Variants in PIK3C2G observed in about 807,000 individuals in gnomAD.
PIK3C2G encodes phosphatidylinositol-4-phosphate 3-kinase catalytic subunit type 2 gamma.
In PIK3C2G, 168 loss-of-function variants were observed where a neutral mutation model predicts 181.1. That is an observed-to-expected ratio of 0.93 (90% CI 0.82 to 1.05). The LOEUF (loss-of-function observed/expected upper bound fraction) is 1.05. Among genes scored for constraint, PIK3C2G ranks in the 50% least tolerant of loss-of-function variants. The pLI, the probability that PIK3C2G is intolerant of heterozygous loss-of-function variation, is 0.00. For missense variants in PIK3C2G, 1,869 were observed against 1,732.8 expected (o/e 1.08, Z -1.40); for synonymous variants, 573 against 592.2 (o/e 0.97, Z 0.47).
At chr12:18,683,354 A>G in the PIK3C2G span, 1 of 1,600,652 alleles carries the variant, frequency 6.2e-7, no homozygotes, top group African/African-American at 1.3e-5. Flanking sequence ...TAATTAGACC[A>G]ATAACCAATT....
the PIK3C2G span, among the ~76,000 whole-genome samples, chr12:18,671,187 T>TAAAAAAAAA: frequency 7.5e-6 from 1 of 134,124 alleles, no homozygotes; most frequent in Non-Finnish European, 1.6e-5. Context: ...AGACTCCATC[T>TAAAAAAAAA]AAAAAAAAAA....
At chr12:18,601,386 A>AT (rs1947703032) in intron 30 of PIK3C2G, among the ~76,000 whole-genome samples, 1 of 152,140 alleles carries the variant, frequency 6.6e-6, no homozygotes, top group African/African-American at 2.4e-5. Context: ...AACACCATAT[A>AT]TTTTCACTCA....
chr12:18,550,523 A>G (rs116176777), intron 26 of PIK3C2G, among the ~76,000 whole-genome samples: 6,829 of 151,802 alleles, frequency 0.045, 344 homozygotes, highest in African/African-American at 0.13. Context: ...CACATAATTC[A>G]CCAAAAAAAA....
At chr12:18,571,820 T>C (rs1945958596) in intron 29 of PIK3C2G, among the ~76,000 whole-genome samples, 1 of 150,938 alleles carries the variant, frequency 6.6e-6, no homozygotes, top group Admixed American at 6.6e-5. Context: ...ATCTTTTACT[T>C]GTACTGCTTA....
intron 29 of PIK3C2G, among the ~76,000 whole-genome samples, chr12:18,568,669 A>G (rs1253478974): frequency 6.6e-6 from 1 of 152,158 alleles, no homozygotes; most frequent in Non-Finnish European, 1.5e-5. Context: ...GCCAATTTCA[A>G]TATGAATCTC....
In PIK3C2G at chr12:18,595,927, T is replaced by C. The variant is rs187510540; in HGVS notation, c.4087+1358T>C. ...TTGCTATACACGCCTAGAATGTTAT[T>C]TCTTCAAAACACTCATTGCCATGAT... On this transcript the variant is annotated intron_variant, in intron 30 of 32. Coordinates refer to ENST00000538779, the MANE Select transcript of PIK3C2G (RefSeq NM_001288772.2). Among the ~76,000 whole-genome samples, 116 of 152,238 alleles carry C rather than the reference T, an allele frequency of 7.6e-4. 1 individual carries two copies. In the East Asian group the frequency reaches 0.014, roughly 19 times the overall value.
intron 32 of PIK3C2G, among the ~76,000 whole-genome samples, chr12:18,647,307 C>T (rs527477885): frequency 4.0e-5 from 6 of 151,732 alleles, no homozygotes; most frequent in African/African-American, 1.2e-4. Flanking sequence ...AGAGAAGAAA[C>T]AAGAAGGAGA....
chr12:18,619,741 AT>A (rs34358685), intron 31 of PIK3C2G, among the ~76,000 whole-genome samples: 35,318 of 141,504 alleles, frequency 0.25, 4,190 homozygotes, highest in Middle Eastern at 0.45. Flanking sequence ...TATGATTTTA[AT>A]TTTTTTTTTT....
chr12:18,309,242 T>G (rs888021256), intron 5 of PIK3C2G, among the ~76,000 whole-genome samples: 3 of 151,974 alleles, frequency 2.0e-5, no homozygotes, highest in Admixed American at 1.3e-4. Flanking sequence ...CATCATGGAT[T>G]GTCATTTAGA....
intron 24 of PIK3C2G, among the ~76,000 whole-genome samples, chr12:18,517,524 GTC>G (rs1942629969): frequency 6.6e-6 from 1 of 151,916 alleles, no homozygotes; most frequent in Admixed American, 6.6e-5. Flanking sequence ...CATGATTTGA[GTC>G]TCTGTTTGTC....
rs1243724071 is a variant in PIK3C2G at position 18,420,715 on chromosome 12, C to T, written c.2316-226C>T. On this transcript the variant is annotated intron_variant, in intron 16 of 32. Transcript: ENST00000538779. ...AGCCGGCAGGAATCAGACTTAAAAC[C>T]ACATTTCCAAAGTCTAGTTGAAAGG... 2.0e-5 allele frequency among the ~76,000 whole-genome samples: 3 copies of T among 152,116 alleles called. No individual in the cohort carries two copies. The East Asian group carries it at 5.8e-4, about 29-fold the overall frequency.
intron 32 of PIK3C2G, 130 bp downstream of exon 32, chr12:18,640,684 A>G (rs1949798547): frequency 3.6e-6 from 3 of 823,030 alleles, no homozygotes; most frequent in Non-Finnish European, 5.8e-6. Flanking sequence ...TTTCCAAAGT[A>G]GTCGCAGTAT....
At chr12:18,423,040 T>C (rs1184493175) in intron 17 of PIK3C2G, among the ~76,000 whole-genome samples, 1 of 151,942 alleles carries the variant, frequency 6.6e-6, no homozygotes, top group Non-Finnish European at 1.5e-5. Context: ...ATTGAGGTGT[T>C]TCTTCAAGTG....
chr12:18,456,581 T>C (rs997768998), intron 18 of PIK3C2G, among the ~76,000 whole-genome samples: 3 of 152,158 alleles, frequency 2.0e-5, no homozygotes, highest in Non-Finnish European at 4.4e-5. Context: ...ATTATGCAGA[T>C]GGGTCCCCTA....
At chr12:18,414,003 G>A (rs1185897607) in intron 16 of PIK3C2G, among the ~76,000 whole-genome samples, 1 of 152,094 alleles carries the variant, frequency 6.6e-6, no homozygotes, top group African/African-American at 2.4e-5. Flanking sequence ...GAAAAGAAAT[G>A]CCAGGATTTG....
chr12:18,278,677 G>A (rs1474396657), intron 1 of PIK3C2G, among the ~76,000 whole-genome samples: 3 of 152,092 alleles, frequency 2.0e-5, no homozygotes, highest in African/African-American at 7.2e-5. Flanking sequence ...AACTACATGT[G>A]TAGTTCTGTT....
At chr12:18,498,416 C>G (rs1257109030) in intron 22 of PIK3C2G, among the ~76,000 whole-genome samples, 2 of 152,150 alleles carry the variant, frequency 1.3e-5, no homozygotes, top group African/African-American at 4.8e-5. Flanking sequence ...AAAGAGACAA[C>G]AATATCTAAG....
chr12:18,262,111 A>G (rs938010115), intron 1 of PIK3C2G, among the ~76,000 whole-genome samples: 3 of 151,878 alleles, frequency 2.0e-5, no homozygotes, highest in African/African-American at 7.3e-5. Context: ...GCTCTGTTCT[A>G]TTTCCATTTC....
chr12:18,455,362 C>T (rs573580804), intron 18 of PIK3C2G, among the ~76,000 whole-genome samples: 6 of 151,778 alleles, frequency 4.0e-5, no homozygotes, highest in African/African-American at 1.2e-4. Context: ...AGGGGGGTGG[C>T]GGTTGGTGGA....
Sources: allele counts gnomAD v4.1 joint callset (sites outside exome capture counted in the v4.1 genomes callset), GRCh38; gene constraint gnomAD v4.1.1; transcripts MANE v1.5; gene names NCBI Gene and HGNC (gene_info 2026-07-23, HGNC 2026-07-21).